The following MYO3B variants were observed in gnomAD, a reference collection of about 807,000 sequenced individuals.
The protein encoded by MYO3B is myosin IIIB, also known as myosin-IIIb.
MYO3B carries 156 observed loss-of-function variants against 174.6 expected under a neutral mutation model. The ratio of observed to expected loss-of-function variants is 0.89; its 90% confidence interval spans 0.78 to 1.02. The LOEUF (loss-of-function observed/expected upper bound fraction) is 1.02. Ranked by LOEUF, MYO3B falls within the 50% of genes least tolerant of loss-of-function variation. The pLI is 0.00. For missense variants in MYO3B, 1,632 were observed against 1,639.4 expected (o/e 1.00, Z 0.08); for synonymous variants, 563 against 569.1 (o/e 0.99, Z 0.15).
chr2:170,515,277 C>T (rs1688238123), intron 29 of MYO3B, among the ~76,000 whole-genome samples: 1 of 152,182 alleles, frequency 6.6e-6, no homozygotes, highest in Non-Finnish European at 1.5e-5. Flanking sequence ...TTCCATGTTC[C>T]CTGGAACACT....
intron 32 of MYO3B, among the ~76,000 whole-genome samples, chr2:170,550,757 T>C (rs948327223): frequency 5.3e-5 from 8 of 152,230 alleles, no homozygotes; most frequent in African/African-American, 1.9e-4. Context: ...AGTGATCTCA[T>C]TAAATTCTCG....
At chr2:170,652,839 C>G in intron 34 of MYO3B, 144 bp from the exon 35 acceptor site, 1 of 819,132 alleles carries the variant, frequency 1.2e-6, no homozygotes, top group South Asian at 1.7e-5. Context: ...CTGGGAGACC[C>G]TGAGCTACCT....
intron 32 of MYO3B, among the ~76,000 whole-genome samples, chr2:170,603,712 G>T (rs1408935928): frequency 6.6e-6 from 1 of 152,066 alleles, no homozygotes; most frequent in East Asian, 1.9e-4. Flanking sequence ...GAAAATTTTT[G>T]GTTTGGTTTT....
chr2:170,375,108 T>C, intron 9 of MYO3B, among the ~76,000 whole-genome samples: 1 of 152,224 alleles, frequency 6.6e-6, no homozygotes, highest in East Asian at 1.9e-4. Flanking sequence ...GTTTTTAAAC[T>C]ATTTGGTCAT....
chr2:170,348,890 C>T (rs1009054328), intron 8 of MYO3B, among the ~76,000 whole-genome samples: 6 of 152,156 alleles, frequency 3.9e-5, no homozygotes, highest in Admixed American at 1.3e-4. Context: ...CAGAACATTC[C>T]ATCTTATAGG....
chr2:170,301,790 C>T (rs73978322), intron 7 of MYO3B, among the ~76,000 whole-genome samples: 5,122 of 150,724 alleles, frequency 0.034, 106 homozygotes, highest in Middle Eastern at 0.13. Flanking sequence ...ATTTCATGGC[C>T]TTTTTTTGTG....
intron 32 of MYO3B, among the ~76,000 whole-genome samples, chr2:170,603,326 A>T (rs1694630549): frequency 6.6e-6 from 1 of 152,314 alleles, no homozygotes; most frequent in East Asian, 1.9e-4. Flanking sequence ...TTTAGGAAAC[A>T]TTGCTATTTT....
intron 32 of MYO3B, among the ~76,000 whole-genome samples, chr2:170,607,567 A>T (rs1694893114): frequency 6.6e-6 from 1 of 150,904 alleles, no homozygotes; most frequent in Admixed American, 6.6e-5. Context: ...CAGTGTAGAG[A>T]AGTGAATCTT....
At chr2:170,403,380 C>CG (rs2094490585) in intron 19 of MYO3B, among the ~76,000 whole-genome samples, 1 of 152,200 alleles carries the variant, frequency 6.6e-6, no homozygotes, top group Admixed American at 6.5e-5. Flanking sequence ...TCCCTATCCC[C>CG]TATCTGCTAT....
At chr2:170,422,417 A>C (rs1016825412) in intron 22 of MYO3B, among the ~76,000 whole-genome samples, 81 of 150,914 alleles carry the variant, frequency 5.4e-4, no homozygotes, top group Non-Finnish European at 1.3e-4. Flanking sequence ...AGAAAACCTT[A>C]TGGGACAGTG....
intron 23 of MYO3B, among the ~76,000 whole-genome samples, chr2:170,445,522 G>A (rs560032195): frequency 6.6e-6 from 1 of 151,984 alleles, no homozygotes; most frequent in Non-Finnish European, 1.5e-5. Flanking sequence ...TGTATTTTTA[G>A]TAGAGACGGG....
chr2:170,467,192 G>A (rs1359980033), intron 25 of MYO3B, among the ~76,000 whole-genome samples: 1 of 152,118 alleles, frequency 6.6e-6, no homozygotes, highest in Non-Finnish European at 1.5e-5. Flanking sequence ...AACCCTATAA[G>A]CTAGACTCTA....
At chr2:170,307,343 C>A (rs1039834717) in intron 7 of MYO3B, among the ~76,000 whole-genome samples, 1 of 148,838 alleles carries the variant, frequency 6.7e-6, no homozygotes, top group Non-Finnish European at 1.5e-5. Context: ...CTTAAAAAAT[C>A]ATATGTACTT....
chr2:170,292,045 C>G (rs2093600043), intron 7 of MYO3B, among the ~76,000 whole-genome samples: 1 of 152,122 alleles, frequency 6.6e-6, no homozygotes, highest in South Asian at 2.1e-4. Context: ...TCACTTCCCT[C>G]TTGTACATCA....
At chr2:170,606,637 CA>C (rs1694823584) in intron 32 of MYO3B, among the ~76,000 whole-genome samples, 1 of 152,208 alleles carries the variant, frequency 6.6e-6, no homozygotes, top group African/African-American at 2.4e-5. Context: ...ACATGGAGGA[CA>C]TTCGATCAAT....
chr2:170,246,882 C>T (rs2093196939), intron 7 of MYO3B, among the ~76,000 whole-genome samples: 1 of 151,956 alleles, frequency 6.6e-6, no homozygotes, highest in Admixed American at 6.6e-5. Context: ...AGGTATTCTT[C>T]CTAGGAGAGT....
At position 170,200,209 on chromosome 2, in the gene MYO3B, C is replaced by G. The variant is rs370855060; in HGVS notation, c.246C>G (p.Pro82=). The change falls in exon 3 of 35, where the codon CCC becomes CCG. Residue 82 remains proline, a synonymous_variant. Coordinates refer to ENST00000408978, the MANE Select transcript of MYO3B (RefSeq NM_138995.5). ...TTTTGCAGTTCCTTCCTAATCATCC[C>G]AATGTTGTAAAGTTTTATGGGATGT... ...YNILQFLPNH[P]NVVKFYGMFY... 2.1e-5 allele frequency: 34 copies of G among 1,613,388 alleles called. No homozygotes were observed. In the African/African-American group the frequency reaches 4.4e-4, roughly 21 times the overall value.
intron 23 of MYO3B, among the ~76,000 whole-genome samples, chr2:170,459,172 A>G (rs918961193): frequency 6.6e-6 from 1 of 152,226 alleles, no homozygotes; most frequent in Admixed American, 6.5e-5. Context: ...CAAAGCTTCC[A>G]CAGCGTGGAA....
chr2:170,424,949 A>C (rs1230145263), intron 22 of MYO3B, among the ~76,000 whole-genome samples: 3 of 152,242 alleles, frequency 2.0e-5, no homozygotes, highest in African/African-American at 7.2e-5. Flanking sequence ...TTCCCATTTG[A>C]GATGAAAGAT....
Sources: gnomAD v4.1 joint callset for allele counts (sites outside exome capture counted in the v4.1 genomes callset) on GRCh38, gnomAD v4.1.1 for gene constraint, MANE v1.5 for transcripts, NCBI Gene and HGNC (gene_info 2026-07-23, HGNC 2026-07-21) for gene names.